The following EEF2K variants were observed in gnomAD, a reference collection of about 807,000 sequenced individuals.
EEF2K encodes the protein alternative protein EEF2K.
A neutral mutation model predicts 93.8 loss-of-function variants in EEF2K; 70 were observed. The ratio of observed to expected loss-of-function variants is 0.75; its 90% CI spans 0.62 to 0.91. The LOEUF (loss-of-function observed/expected upper bound fraction) is 0.91, where lower values mean the gene tolerates loss of function less well. Ranked by LOEUF, EEF2K falls within the 40% of genes least tolerant of loss-of-function variation. The probability of loss-of-function intolerance (pLI) is 0.00; values close to 1 mark genes in which losing one functional copy is unlikely to be tolerated. For missense variants in EEF2K, 935 were observed against 972.9 expected (o/e 0.96, Z 0.52); for synonymous variants, 376 against 380.8 (o/e 0.99, Z 0.15).
chr16:22,283,076 A>G (rs938597831), intron 17 of EEF2K, among the ~76,000 whole-genome samples: 1 of 152,214 alleles, frequency 6.6e-6, no homozygotes. Context: ...TGGGAGGCCA[A>G]GGCAGGCAGA....
At chr16:22,272,179 C>A (rs1365316234) in intron 15 of EEF2K, among the ~76,000 whole-genome samples, 1 of 152,138 alleles carries the variant, frequency 6.6e-6, no homozygotes, top group Non-Finnish European at 1.5e-5. Context: ...TCACTCATAG[C>A]CATAAACCCA....
intron 2 of EEF2K, among the ~76,000 whole-genome samples, chr16:22,234,066 T>C (rs527777655): frequency 5.9e-5 from 9 of 152,200 alleles, no homozygotes; most frequent in Non-Finnish European, 1.3e-4. Flanking sequence ...TTTGCACCCA[T>C]GAATGGGCGT....
chr16:22,277,379 C>A (rs1391702312), intron 16 of EEF2K, among the ~76,000 whole-genome samples: 1 of 152,302 alleles, frequency 6.6e-6, no homozygotes, highest in East Asian at 1.9e-4. Flanking sequence ...AAGAGATCCT[C>A]CAACCTAGGC....
chr16:22,224,903 A>G (rs187633433), intron 1 of EEF2K, among the ~76,000 whole-genome samples: 1 of 152,078 alleles, frequency 6.6e-6, no homozygotes, highest in Non-Finnish European at 1.5e-5. Flanking sequence ...CAGTGAGCCA[A>G]GATCGCACCA....
intron 2 of EEF2K, among the ~76,000 whole-genome samples, chr16:22,236,196 C>T (rs2047165897): frequency 6.6e-6 from 1 of 152,140 alleles, no homozygotes. Flanking sequence ...CTCTACACAC[C>T]ACTGTTGGTC....
At chr16:22,264,163 A>G (rs1025325900) in intron 12 of EEF2K, among the ~76,000 whole-genome samples, 1 of 151,184 alleles carries the variant, frequency 6.6e-6, no homozygotes, top group Non-Finnish European at 1.5e-5. Flanking sequence ...GCAGTGGTGC[A>G]CTCCTCTAGT....
At chr16:22,216,179 G>T (rs1442713545) in intron 1 of EEF2K, among the ~76,000 whole-genome samples, 1 of 152,152 alleles carries the variant, frequency 6.6e-6, no homozygotes, top group Non-Finnish European at 1.5e-5. Context: ...TTTGTTTCTT[G>T]TTTGAAGGAA....
At chr16:22,256,698 A>C (rs1262619086) in intron 6 of EEF2K, 50 bp from the exon 7 acceptor site, 1 of 1,589,078 alleles carries the variant, frequency 6.3e-7, no homozygotes, top group East Asian at 2.3e-5. Flanking sequence ...CGCTTCTCAG[A>C]GGAGGTGCGC....
chr16:22,237,968 C>A (rs1353722761), intron 2 of EEF2K, among the ~76,000 whole-genome samples: 1 of 152,148 alleles, frequency 6.6e-6, no homozygotes, highest in Admixed American at 6.5e-5. Context: ...CTGTAACTTG[C>A]TTTTTTCCCC....
chr16:22,277,011 G>A (rs1265668140), intron 16 of EEF2K, among the ~76,000 whole-genome samples: 1 of 152,120 alleles, frequency 6.6e-6, no homozygotes, highest in Non-Finnish European at 1.5e-5. Context: ...GTTACAGTGA[G>A]CCAAGATCAC....
At chr16:22,276,882 C>G (rs1214707517) in intron 16 of EEF2K, among the ~76,000 whole-genome samples, 1 of 151,972 alleles carries the variant, frequency 6.6e-6, no homozygotes, top group African/African-American at 2.4e-5. Flanking sequence ...CACTCTGAAA[C>G]CCCATCTCTA....
intron 6 of EEF2K, among the ~76,000 whole-genome samples, chr16:22,255,160 G>A (rs1471566868): frequency 6.6e-6 from 1 of 152,172 alleles, no homozygotes; most frequent in African/African-American, 2.4e-5. Flanking sequence ...CTTTATGCAG[G>A]TAAAGAAACT....
At chr16:22,274,648 C>T (rs2047617729) in intron 16 of EEF2K, among the ~76,000 whole-genome samples, 1 of 152,058 alleles carries the variant, frequency 6.6e-6, no homozygotes, top group South Asian at 2.1e-4. Flanking sequence ...CACTCTGTCA[C>T]CCAGGCTGGA....
chr16:22,218,784 G>T (rs1371369286), intron 1 of EEF2K, among the ~76,000 whole-genome samples: 3 of 152,056 alleles, frequency 2.0e-5, no homozygotes, highest in African/African-American at 7.2e-5. Context: ...TAGAGATGGG[G>T]CTTGAACCTG....
intron 9 of EEF2K, among the ~76,000 whole-genome samples, 169 bp downstream of exon 9, chr16:22,257,939 G>C (rs929292180): frequency 6.6e-6 from 1 of 152,192 alleles, no homozygotes; most frequent in Non-Finnish European, 1.5e-5. Flanking sequence ...CTCCAGCTCA[G>C]TGCACAAAGC....
At chr16:22,228,095 C>T (rs561478129) in intron 2 of EEF2K, among the ~76,000 whole-genome samples, 62 of 143,208 alleles carry the variant, frequency 4.3e-4, no homozygotes, top group African/African-American at 1.6e-3. Context: ...CTCACTGCAA[C>T]CTCCACCTCC....
chr16:22,232,354 G>A (rs2047124605), intron 2 of EEF2K, among the ~76,000 whole-genome samples: 1 of 152,102 alleles, frequency 6.6e-6, no homozygotes, highest in African/African-American at 2.4e-5. Flanking sequence ...AGCCTCCTGA[G>A]TAGCTGAGAC....
Position 22,256,906 on chromosome 16 carries a change from G to A in EEF2K, c.768+9G>A, listed in dbSNP as rs567159689. 3.2e-5 allele frequency: 52 copies of A among 1,613,262 alleles called. No individual in the cohort carries two copies. Among genetic ancestry groups the A allele is most frequent in the African/African-American group, 1.5e-4 (11 of 75,052 alleles). ...TCCGCCTGACGCCGCAGGTGAGGCC[G>A]AGCTCACCTCCACCCTCTGCCCACC... On this transcript the variant is annotated intron_variant, in intron 7 of 17. Transcript: ENST00000263026.
chr16:22,278,649 T>C (rs1226811318), intron 16 of EEF2K, among the ~76,000 whole-genome samples: 1 of 152,190 alleles, frequency 6.6e-6, no homozygotes, highest in Non-Finnish European at 1.5e-5. Flanking sequence ...CTATTGCTTC[T>C]GGAATGTTTC....
Sources: allele counts gnomAD v4.1 joint callset (sites outside exome capture counted in the v4.1 genomes callset), GRCh38; gene constraint gnomAD v4.1.1; transcripts MANE v1.5; gene names NCBI Gene and HGNC (gene_info 2026-07-23, HGNC 2026-07-21).